MYO1E: variants seen among roughly 807,000 people sequenced by gnomAD.
MYO1E encodes unconventional myosin-Ie.
Under a neutral mutation model 151.1 loss-of-function variants are expected in MYO1E, and 68 were observed. The ratio of observed to expected loss-of-function variants is 0.45; its 90% CI spans 0.37 to 0.55. MYO1E has a LOEUF of 0.55. Ranked by LOEUF, MYO1E falls within the 20% of genes least tolerant of loss-of-function variation. The pLI, the probability that MYO1E is intolerant of heterozygous loss-of-function variation, is 0.00. For synonymous variants in MYO1E, 601 were observed against 501.7 expected, an observed-to-expected ratio of 1.20 and a Z score of -2.64; for missense variants, 1,363 against 1,389.3, an observed-to-expected ratio of 0.98 and a Z score of 0.30.
chr15:59,367,339 G>A (rs1205043957), intron 1 of MYO1E, among the ~76,000 whole-genome samples: 2 of 149,762 alleles, frequency 1.3e-5, no homozygotes, highest in African/African-American at 2.5e-5. Context: ...TCAGGAAAAC[G>A]CCTGAGACAG....
intron 4 of MYO1E, among the ~76,000 whole-genome samples, chr15:59,239,280 G>A (rs1157511764): frequency 3.3e-5 from 5 of 150,414 alleles, no homozygotes; most frequent in Admixed American, 6.6e-5. Context: ...AGCTTTTCCA[G>A]AGAAAAGGGA....
chr15:59,306,786 G>T (rs922388672), intron 1 of MYO1E, among the ~76,000 whole-genome samples: 1 of 152,208 alleles, frequency 6.6e-6, no homozygotes, highest in African/African-American at 2.4e-5. Context: ...GGACTGACAC[G>T]TTATCAACAA....
In MYO1E at chr15:59,134,396, T is replaced by C. The variant is rs1321606381; in HGVS notation, c.*2984A>G. 1.3e-5 allele frequency: 2 copies of C among 152,262 alleles called. No individual in the cohort carries two copies. Among genetic ancestry groups the C allele is most frequent in the African/African-American group, 4.8e-5 (2 of 41,450 alleles). The allele number at this position is 152,262 out of a possible 1,614,324, so 9.4% of individuals were successfully genotyped here. On this transcript the variant is annotated 3_prime_UTR_variant, in exon 28 of 28. Coordinates refer to ENST00000288235, the MANE Select transcript of MYO1E (RefSeq NM_004998.4). ...GGAAGAGACGGCCCTTTTGCATGTC[T>C]TTAAGCCAGTTGGCCAGGTACGGTG...
rs966293949 is a variant in MYO1E, at chr15:59,273,115, C to T, written c.4-666G>A. Reference sequence around the variant, plus strand: ...ATAACGAGGATGTGGACAGGACAGACGAAACGAGATCACGGAACATGCCCA... The same window carrying T: ...ATAACGAGGATGTGGACAGGACAGATGAAACGAGATCACGGAACATGCCCA... On this transcript the variant is annotated intron_variant, in intron 1 of 27. Coordinates refer to ENST00000288235, the MANE Select transcript of MYO1E (RefSeq NM_004998.4). Among the ~76,000 whole-genome samples the T allele has an allele frequency of 2.8e-4, 43 of 152,182 alleles. 2 individuals are homozygous for T. The highest frequency in any genetic ancestry group is 4.8e-5 in the African/African-American group (2 of 41,428).
Position 59,136,881 on chromosome 15 carries a change from C to T in MYO1E, c.*499G>A. The T allele has an allele frequency of 2.4e-6, 1 of 412,164 alleles. No homozygotes were observed. Among genetic ancestry groups the T allele is most frequent in the Non-Finnish European group, 4.9e-6 (1 of 204,574 alleles). The allele number at this position is 412,164 out of a possible 1,614,324, so 25.5% of individuals were successfully genotyped here. On this transcript the variant is annotated 3_prime_UTR_variant, in exon 28 of 28. Transcript: ENST00000288235. ...CCCTTGGCACGTACATGGGAAGTGC[C>T]TGCTCACGCTAAGCCCAGTCTGCAG...
chr15:59,233,227 G>A (rs2080039130), intron 5 of MYO1E, among the ~76,000 whole-genome samples: 2 of 151,976 alleles, frequency 1.3e-5, no homozygotes, highest in South Asian at 2.1e-4. Context: ...AAATTACAGT[G>A]TTTAAAATGA....
intron 1 of MYO1E, among the ~76,000 whole-genome samples, chr15:59,317,452 G>A (rs1323343517): frequency 2.6e-5 from 4 of 152,124 alleles, no homozygotes; most frequent in Non-Finnish European, 5.9e-5. Flanking sequence ...TAAGGGCAAC[G>A]CAACAGAGAA....
intron 24 of MYO1E, among the ~76,000 whole-genome samples, chr15:59,158,984 C>A (rs558219319): frequency 6.6e-6 from 1 of 152,110 alleles, no homozygotes; most frequent in African/African-American, 2.4e-5. Flanking sequence ...GCCAGAGGAG[C>A]CAGAGGAGAT....
intron 2 of MYO1E, 40 bp downstream of exon 2, chr15:59,272,266 A>G (rs769819419): frequency 3.7e-6 from 6 of 1,609,124 alleles, no homozygotes; most frequent in East Asian, 2.2e-5. Context: ...GGACACTGTA[A>G]TATCACTTAG....
At chr15:59,307,644 CTT>C (rs1310947308) in intron 1 of MYO1E, among the ~76,000 whole-genome samples, 12 of 152,004 alleles carry the variant, frequency 7.9e-5, no homozygotes, top group Non-Finnish European at 7.4e-5. Flanking sequence ...GAGTTTCGCT[CTT>C]GTTGCCCAGG....
intron 26 of MYO1E, among the ~76,000 whole-genome samples, chr15:59,146,401 C>T (rs960964089): frequency 6.6e-6 from 1 of 152,092 alleles, no homozygotes; most frequent in South Asian, 2.1e-4. Context: ...CTGCAGCCTC[C>T]GCCTCCCAGA....
chr15:59,170,652 T>C (rs570725698), intron 22 of MYO1E, among the ~76,000 whole-genome samples: 3 of 151,848 alleles, frequency 2.0e-5, no homozygotes, highest in East Asian at 1.9e-4. Context: ...AAATGGACAC[T>C]GCGGACTCAT....
chr15:59,304,596 T>C (rs921406368), intron 1 of MYO1E, among the ~76,000 whole-genome samples: 1 of 152,258 alleles, frequency 6.6e-6, no homozygotes, highest in East Asian at 1.9e-4. Flanking sequence ...CAAATGGATG[T>C]TGCATCATGG....
intron 14 of MYO1E, 149 bp downstream of exon 14, chr15:59,208,532 A>C: frequency 2.1e-6 from 2 of 970,226 alleles, no homozygotes; most frequent in Admixed American, 3.9e-5. Context: ...AGTATATACA[A>C]TCTTTTGTTT....
chr15:59,205,417 A>G lies in MYO1E; in HGVS notation c.1599T>C (p.Leu533=), dbSNP rs1262928164. 1.2e-6 allele frequency: 2 copies of G among 1,614,186 alleles called. No homozygotes were observed. Among genetic ancestry groups the G allele is most frequent in the Non-Finnish European group, 1.7e-6 (2 of 1,180,026 alleles). ...RDVLFMDLIE[L]MQSSELPFIK... is the part of the protein sequence containing the mutation. ...ATACTTACAGCTCGCTGCTCTGCAT[A>G]AGCTCGATGAGATCCATAAAAAGCA... Residue 533 remains leucine (L), a synonymous_variant, in exon 15 of 28, where the codon CTT becomes CTC. Coordinates refer to ENST00000288235, the MANE Select transcript of MYO1E (RefSeq NM_004998.4).
intron 1 of MYO1E, among the ~76,000 whole-genome samples, chr15:59,360,509 CCAG>C (rs1243509535): frequency 3.3e-5 from 5 of 152,130 alleles, no homozygotes; most frequent in African/African-American, 1.2e-4. Context: ...GCCATCGAGC[CCAG>C]CATGGTTTGG....
chr15:59,206,482 G>C (rs1299659797), intron 14 of MYO1E, among the ~76,000 whole-genome samples: 1 of 152,156 alleles, frequency 6.6e-6, no homozygotes, highest in Admixed American at 6.5e-5. Context: ...GCCCAATTCT[G>C]GGACACTGGG....
chr15:59,243,206 A>G (rs1158371461), intron 4 of MYO1E, among the ~76,000 whole-genome samples: 3 of 152,062 alleles, frequency 2.0e-5, no homozygotes. Context: ...TTTAAAAACC[A>G]ATTTTTGTAA....
intron 9 of MYO1E, among the ~76,000 whole-genome samples, chr15:59,219,713 A>C (rs1217572141): frequency 6.6e-6 from 1 of 152,216 alleles, no homozygotes; most frequent in East Asian, 1.9e-4. Context: ...GTTTAGTTTT[A>C]CTGTTAACAC....
Sources: allele counts gnomAD v4.1 joint callset (sites outside exome capture counted in the v4.1 genomes callset), GRCh38; gene constraint gnomAD v4.1.1; transcripts MANE v1.5; gene names NCBI Gene and HGNC (gene_info 2026-07-23, HGNC 2026-07-21).